STXBP5L: variants seen among roughly 807,000 people sequenced by gnomAD.
STXBP5L encodes the protein syntaxin-binding protein 5-like.
Under a neutral mutation model 144.5 loss-of-function variants are expected in STXBP5L, and 65 were observed. The observed-to-expected ratio is 0.45, with a 90% CI of 0.37 to 0.55. The LOEUF (loss-of-function observed/expected upper bound fraction) is 0.55, where lower values mean the gene tolerates loss of function less well. Among genes scored for constraint, STXBP5L ranks in the 20% least tolerant of loss-of-function variants. STXBP5L has a pLI of 0.00. For synonymous variants in STXBP5L, 505 were observed against 469.6 expected (o/e 1.08, Z -0.97); for missense variants, 1,298 against 1,405.5 (o/e 0.92, Z 1.22).
intron 7 of STXBP5L, among the ~76,000 whole-genome samples, chr3:121,129,568 G>T (rs749294327): frequency 5.9e-5 from 9 of 151,966 alleles, no homozygotes; most frequent in Non-Finnish European, 7.4e-5. Flanking sequence ...TACATATTTA[G>T]TGAAATCTTT....
chr3:121,272,374 A>G (rs962874900), intron 18 of STXBP5L, among the ~76,000 whole-genome samples: 3 of 152,126 alleles, frequency 2.0e-5, no homozygotes, highest in Non-Finnish European at 2.9e-5. Context: ...ATTGTTATTT[A>G]ATGATCCTCT....
rs919346736 is a variant in STXBP5L at position 121,162,795 on chromosome 3, C to G, written c.877+5168C>G. The stretch of plus-strand genomic sequence containing the variant: ...CAGACACTTCTCAAAAGAAGACATT[C>G]ATGCAACCAACAAATATATGAAAAA... On this transcript the variant is annotated intron_variant, in intron 9 of 26. Transcript: ENST00000471454. Among the ~76,000 whole-genome samples, 47 of 152,238 alleles carry G rather than the reference C, an allele frequency of 3.1e-4. 1 individual carries two copies. The highest frequency in any genetic ancestry group is 1.2e-3 in the South Asian group (6 of 4,824).
chr3:121,064,811 C>G (rs921020281), intron 5 of STXBP5L, among the ~76,000 whole-genome samples: 1 of 152,042 alleles, frequency 6.6e-6, no homozygotes, highest in Non-Finnish European at 1.5e-5. Context: ...TTATGTGATG[C>G]TGAGGTTTGG....
intron 18 of STXBP5L, among the ~76,000 whole-genome samples, chr3:121,277,905 G>A (rs1226930939): frequency 6.6e-6 from 1 of 151,978 alleles, no homozygotes; most frequent in Admixed American, 6.6e-5. Context: ...TGAGCTCTGG[G>A]AATTGTTCTG....
intron 6 of STXBP5L, among the ~76,000 whole-genome samples, chr3:121,115,600 C>G (rs186636282): frequency 2.0e-5 from 3 of 152,088 alleles, no homozygotes; most frequent in Admixed American, 1.3e-4. Flanking sequence ...CTCCAAATAT[C>G]AAACTCTGTG....
intron 20 of STXBP5L, among the ~76,000 whole-genome samples, chr3:121,337,906 C>T (rs2108574060): frequency 6.6e-6 from 1 of 152,204 alleles, no homozygotes; most frequent in Non-Finnish European, 1.5e-5. Flanking sequence ...CCAAAAGGAA[C>T]ACTCAAAACT....
intron 3 of STXBP5L, among the ~76,000 whole-genome samples, chr3:121,027,380 A>G (rs183256691): frequency 2.0e-5 from 3 of 152,272 alleles, no homozygotes; most frequent in Non-Finnish European, 4.4e-5. Flanking sequence ...AATAGCATCC[A>G]TGTAGGGTAA....
intron 5 of STXBP5L, among the ~76,000 whole-genome samples, chr3:121,095,614 C>T (rs2043077941): frequency 6.6e-6 from 1 of 152,196 alleles, no homozygotes; most frequent in African/African-American, 2.4e-5. Context: ...ATATAGTTCT[C>T]ATGCCATGGT....
intron 15 of STXBP5L, among the ~76,000 whole-genome samples, chr3:121,254,006 C>T (rs1231107120): frequency 6.6e-6 from 1 of 151,908 alleles, no homozygotes; most frequent in Non-Finnish European, 1.5e-5. Flanking sequence ...TGCATTTAGT[C>T]ATTGTATCTT....
intron 3 of STXBP5L, among the ~76,000 whole-genome samples, chr3:121,022,876 AG>A (rs1398441357): frequency 6.6e-6 from 1 of 152,198 alleles, no homozygotes; most frequent in Admixed American, 6.5e-5. Flanking sequence ...TACCACTTCT[AG>A]TCAACATAGT....
At position 121,345,338 on chromosome 3, in the gene STXBP5L, C is replaced by G. The variant is rs148256164; in HGVS notation, c.2176+26798C>G. 4.2e-3 allele frequency among the ~76,000 whole-genome samples: 646 copies of G among 152,216 alleles called. 6 individuals carry two copies. The highest frequency in any genetic ancestry group is 0.015 in the African/African-American group (616 of 41,532). On this transcript the variant is annotated intron_variant, in intron 20 of 26. Coordinates refer to ENST00000471454, the MANE Select transcript of STXBP5L (RefSeq NM_001308330.2). The stretch of plus-strand genomic sequence containing the variant: ...TCCATGTCCCTGCAAAGGACATGAA[C>G]TCATCCTTTTTATGACTGCATAGTA...
At chr3:121,375,333 T>A (rs145557015) in intron 20 of STXBP5L, among the ~76,000 whole-genome samples, 73 of 152,292 alleles carry the variant, frequency 4.8e-4, no homozygotes, top group African/African-American at 1.7e-3. Context: ...AAAGCCTGGA[T>A]CTCAGTGTGC....
At chr3:121,007,677 T>A (rs1944445728) in intron 3 of STXBP5L, among the ~76,000 whole-genome samples, 1 of 152,018 alleles carries the variant, frequency 6.6e-6, no homozygotes, top group Non-Finnish European at 1.5e-5. Flanking sequence ...ACTTCTGATC[T>A]GTTGTTTACA....
chr3:121,139,919 C>T lies in STXBP5L; in HGVS notation c.670-12558C>T, dbSNP rs1228667517. On this transcript the variant is annotated intron_variant, in intron 7 of 26. Transcript: ENST00000471454. Reference sequence around the variant, plus strand: ...TGAGAGAAAATATTTGTCAACTATACATTCAAGAGTATAAGGGACTCAGAC... The same window carrying T: ...TGAGAGAAAATATTTGTCAACTATATATTCAAGAGTATAAGGGACTCAGAC... 3.3e-5 allele frequency among the ~76,000 whole-genome samples: 5 copies of T among 152,066 alleles called. No homozygotes were observed. The East Asian group carries it at 9.7e-4, about 29-fold the overall frequency.
intron 22 of STXBP5L, among the ~76,000 whole-genome samples, chr3:121,392,415 AT>A (rs1202186889): frequency 6.6e-6 from 1 of 151,968 alleles, no homozygotes; most frequent in Non-Finnish European, 1.5e-5. Context: ...TGCACCCACT[AT>A]CCAACCAGTC....
chr3:121,102,828 C>T (rs1047300931), intron 5 of STXBP5L, among the ~76,000 whole-genome samples: 1 of 152,032 alleles, frequency 6.6e-6, no homozygotes, highest in African/African-American at 2.4e-5. Flanking sequence ...TATCCAGGAT[C>T]TATAAGGTAC....
intron 4 of STXBP5L, 48 bp from the exon 5 acceptor site, chr3:121,045,387 C>A (rs1947443875): frequency 6.6e-7 from 1 of 1,519,750 alleles, no homozygotes. Flanking sequence ...TTAAAAAAAC[C>A]CTAAATTAAG....
At chr3:121,039,304 T>A (rs1290139007) in intron 3 of STXBP5L, among the ~76,000 whole-genome samples, 1 of 151,956 alleles carries the variant, frequency 6.6e-6, no homozygotes, top group African/African-American at 2.4e-5. Context: ...TGTGCAGCTG[T>A]ACCTTATATA....
chr3:121,016,838 G>A (rs971524643), intron 3 of STXBP5L, among the ~76,000 whole-genome samples: 2 of 152,078 alleles, frequency 1.3e-5, no homozygotes, highest in African/African-American at 2.4e-5. Context: ...TGTGTTTACT[G>A]GTGAATTCTA....
Sources: gnomAD v4.1 joint callset for allele counts (sites outside exome capture counted in the v4.1 genomes callset) on GRCh38, gnomAD v4.1.1 for gene constraint, MANE v1.5 for transcripts, NCBI Gene and HGNC (gene_info 2026-07-23, HGNC 2026-07-21) for gene names.